PLCD4: variants seen among roughly 807,000 people sequenced by gnomAD.
PLCD4 encodes 1-phosphatidylinositol 4,5-bisphosphate phosphodiesterase delta-4.
In PLCD4, 63 loss-of-function variants were observed where a neutral mutation model predicts 90.2. That is an observed-to-expected ratio of 0.70 (90% CI 0.57 to 0.86). The LOEUF is 0.86. Among genes scored for constraint, PLCD4 ranks in the 40% least tolerant of loss-of-function variants. PLCD4 has a pLI of 0.00. For missense variants in PLCD4, 830 were observed against 956.3 expected, an observed-to-expected ratio of 0.87 and a Z score of 1.74; for synonymous variants, 294 against 356.5, an observed-to-expected ratio of 0.82 and a Z score of 1.97.
In PLCD4 at chr2:218,628,204, C is replaced by T; in HGVS notation, c.948C>T (p.Gly316=). ...ACCTAGTGGGGGACCAGCTTTGTGG[C>T]CAGAGCAGCGTCGAGGGATATATAC... ...NTYLVGDQLC[G]QSSVEGYIRA... The change falls in exon 7 of 16, where the codon GGC becomes GGT. Residue 316 remains glycine, a synonymous_variant. Transcript: ENST00000450993. 1 of 1,613,928 alleles carries T rather than the reference C, an allele frequency of 6.2e-7. No individual in the cohort carries two copies. Among genetic ancestry groups the T allele is most frequent in the South Asian group, 1.1e-5 (1 of 91,076 alleles).
rs1370296690 is a variant in PLCD4, at chr2:218,615,776, C to T, written c.22+15C>T. ...GCTGCAAGACCGTGAGTGCCGGGGC[C>T]CCTGCAGGGGAAGAGGCCTTAGTGT... On this transcript the variant is annotated intron_variant, in intron 2 of 15. Transcript: ENST00000450993. The T allele has an allele frequency of 1.9e-6, 3 of 1,604,698 alleles. No homozygotes were observed. The South Asian group carries it at 3.3e-5, about 18-fold the overall frequency.
Position 218,618,762 on chromosome 2 carries a change from TG to T in PLCD4, c.367del (p.Val123TrpfsTer17). 1.2e-6 allele frequency: 2 copies of T among 1,605,668 alleles called. No individual in the cohort carries two copies. The highest frequency in any genetic ancestry group is 1.7e-6 in the Non-Finnish European group (2 of 1,176,180). On this transcript the variant is annotated frameshift_variant, in exon 4 of 16. Coordinates refer to ENST00000450993, the MANE Select transcript of PLCD4 (RefSeq NM_032726.4). LOFTEE classifies it high-confidence loss of function. ...AQIWMRGLQLLVDLVTSMDHQ... is the reference protein window; with the variant it reads ...AQIWMRGLQLXVDLVTSMDHQ... ...ATATGGATGCGAGGGCTCCAGCTGT[TG>T]GTGGATCTTGTCACCAGCATGGACC...
At chr2:218,614,198 T>C (rs1695475482) in intron 1 of PLCD4, among the ~76,000 whole-genome samples, 1 of 151,912 alleles carries the variant, frequency 6.6e-6, no homozygotes, top group Admixed American at 6.6e-5. Context: ...TTTTTGTATT[T>C]TTAGTAGAGA....
intron 9 of PLCD4, 120 bp from the exon 10 acceptor site, chr2:218,632,016 C>T: frequency 2.8e-6 from 3 of 1,071,848 alleles, no homozygotes; most frequent in East Asian, 2.6e-5. Flanking sequence ...AATCTCTTCC[C>T]TCGGGAACTT....
chr2:218,623,724 C>T (rs1695986062), intron 6 of PLCD4, among the ~76,000 whole-genome samples: 1 of 152,104 alleles, frequency 6.6e-6, no homozygotes, highest in Non-Finnish European at 1.5e-5. Flanking sequence ...CTCTTATTGC[C>T]CAGACTGGAG....
rs775423356 is a variant in PLCD4 at position 218,634,089 on chromosome 2, C to T, written c.1607-16C>T. 1.3e-6 allele frequency: 2 copies of T among 1,596,510 alleles called. No homozygotes were observed. Among genetic ancestry groups the T allele is most frequent in the East Asian group, 2.3e-5 (1 of 44,220 alleles). On this transcript the variant is annotated splice_polypyrimidine_tract_variant and intron_variant, in intron 11 of 15. Coordinates refer to ENST00000450993, the MANE Select transcript of PLCD4 (RefSeq NM_032726.4). The surrounding 1 kb of genome is among the most constrained non-coding windows in gnomAD (Gnocchi z 4.0). ...TTCCACCCCACTTCCATCTCCCTCT[C>T]TATACCCTTTTACAGGCAATGAGTT...
chr2:218,633,811 A>G, intron 11 of PLCD4, 50 bp downstream of exon 11: 2 of 1,597,870 alleles, frequency 1.3e-6, no homozygotes, highest in African/African-American at 2.7e-5. Context: ...GGATAGGTTC[A>G]GGCCTGATGG....
chr2:218,618,824 G>C lies in PLCD4; in HGVS notation c.410+17G>C. 6.4e-7 allele frequency: 1 copy of C among 1,563,514 alleles called. No individual in the cohort carries two copies. Among genetic ancestry groups the C allele is most frequent in the Non-Finnish European group, 8.7e-7 (1 of 1,152,778 alleles). On this transcript the variant is annotated intron_variant, in intron 4 of 15. Transcript: ENST00000450993. Reference sequence around the variant, plus strand: ...CCTGGACCAGTATCGGCAGGATGGAGTCAGGGTGGGGGTGAGGGATCACGC... The same window carrying C: ...CCTGGACCAGTATCGGCAGGATGGACTCAGGGTGGGGGTGAGGGATCACGC...
intron 6 of PLCD4, among the ~76,000 whole-genome samples, chr2:218,627,105 A>T (rs1186547189): frequency 1.3e-5 from 2 of 151,428 alleles, no homozygotes; most frequent in Non-Finnish European, 2.9e-5. Flanking sequence ...TACAAAGAAA[A>T]AAAAAAAGAG....
chr2:218,633,683 C>T lies in PLCD4; in HGVS notation c.1528C>T (p.His510Tyr), dbSNP rs765938168. ...LKSVSFRSFT[H>Y]SKEHYHFYEI... ...GTCTGTCTCATTCCGCAGCTTCACACATTCAAAGGAGCACTACCACTTCTA... is the reference window on the plus strand; with the variant it reads ...GTCTGTCTCATTCCGCAGCTTCACATATTCAAAGGAGCACTACCACTTCTA... The change falls in exon 11 of 16, where the codon CAT becomes TAT. Residue 510 changes from histidine to tyrosine, a missense_variant. His to Tyr is a moderately conservative substitution (Grantham distance 83). Transcript: ENST00000450993. 1.4e-5 allele frequency: 23 copies of T among 1,613,650 alleles called. No homozygotes were observed. Among genetic ancestry groups the T allele is most frequent in the Non-Finnish European group, 1.9e-5 (23 of 1,179,566 alleles).
chr2:218,636,316 G>GGTAATGGATT lies in PLCD4; in HGVS notation c.2107_2116dup (p.Tyr706CysfsTer5). The GGTAATGGATT allele has an allele frequency of 1.2e-6, 2 of 1,614,016 alleles. No homozygotes were observed. Among genetic ancestry groups the GGTAATGGATT allele is most frequent in the Non-Finnish European group, 1.7e-6 (2 of 1,179,888 alleles). On this transcript the variant is annotated frameshift_variant, in exon 15 of 16. Coordinates refer to ENST00000450993, the MANE Select transcript of PLCD4 (RefSeq NM_032726.4). LOFTEE classifies it high-confidence loss of function. Reference sequence around the variant, plus strand: ...CTGAACTTGCCATGCTGCGTTTTGTGGTAATGGATTATGACTGGAAATCCC... The same window carrying GGTAATGGATT: ...CTGAACTTGCCATGCTGCGTTTTGTGGTAATGGATTGTAATGGATTATGACTGGAAATCCC...
intron 6 of PLCD4, 38 bp from the exon 7 acceptor site, chr2:218,627,991 A>C (rs761546012): frequency 3.2e-6 from 5 of 1,559,744 alleles, no homozygotes; most frequent in Non-Finnish European, 4.4e-6. Flanking sequence ...GCTCCCATTC[A>C]GAGCTTCTCA....
chr2:218,630,545 C>T, intron 8 of PLCD4, 105 bp from the exon 9 acceptor site: 4 of 1,317,828 alleles, frequency 3.0e-6, no homozygotes, highest in Non-Finnish European at 4.3e-6. Context: ...GATCAGGGTA[C>T]TCATCTGAGT....
intron 6 of PLCD4, among the ~76,000 whole-genome samples, chr2:218,626,202 G>A (rs1696110133): frequency 1.3e-5 from 2 of 151,708 alleles, no homozygotes; most frequent in Admixed American, 6.6e-5. Flanking sequence ...AGGCTGCAGT[G>A]AGTTGTGATT....
chr2:218,633,394 G>A (rs906172782), intron 10 of PLCD4: 13 of 711,542 alleles, frequency 1.8e-5, no homozygotes, highest in Middle Eastern at 2.3e-4. Context: ...AGGTTGTGAC[G>A]TGCCCGCTGT....
intron 13 of PLCD4, among the ~76,000 whole-genome samples, chr2:218,635,086 G>A (rs957856307): frequency 1.3e-5 from 2 of 151,714 alleles, no homozygotes; most frequent in African/African-American, 4.8e-5. Flanking sequence ...ATTTTGTAGA[G>A]ACTCCCGTCT....
chr2:218,611,647 G>C (rs1695338038), intron 1 of PLCD4, among the ~76,000 whole-genome samples: 1 of 152,180 alleles, frequency 6.6e-6, no homozygotes, highest in African/African-American at 2.4e-5. Context: ...CACCCAGGCT[G>C]GAGTGTAATG....
chr2:218,633,746 CTCA>C lies in PLCD4; in HGVS notation c.1595_1597del (p.Ile532del). 2 of 1,613,904 alleles carry C rather than the reference CTCA, an allele frequency of 1.2e-6. No homozygotes were observed. Among genetic ancestry groups the C allele is most frequent in the Non-Finnish European group, 1.7e-6 (2 of 1,179,874 alleles). On this transcript the variant is annotated inframe_deletion, in exon 11 of 16. Coordinates refer to ENST00000450993, the MANE Select transcript of PLCD4 (RefSeq NM_032726.4). ...TTTCTCTGAAACCAAGGCCAAGCGCCTCATCAAGGAGGCTGGTCAGGACCAAAA... is the reference window on the plus strand; with the variant it reads ...TTTCTCTGAAACCAAGGCCAAGCGCCTCAAGGAGGCTGGTCAGGACCAAAA...
intron 15 of PLCD4, 29 bp downstream of exon 15, chr2:218,636,421 A>G (rs1299932873): frequency 1.2e-6 from 2 of 1,613,698 alleles, no homozygotes; most frequent in African/African-American, 2.7e-5. Context: ...CCCCTGGCCA[A>G]TACCCCAGCT....
Sources: gnomAD v4.1 joint callset for allele counts (sites outside exome capture counted in the v4.1 genomes callset) on GRCh38, gnomAD v4.1.1 for gene constraint, Gnocchi (gnomAD v3.1) non-coding constraint, MANE v1.5 for transcripts, NCBI Gene and HGNC (gene_info 2026-07-23, HGNC 2026-07-21) for gene names.